Variants in DUSP13B observed in about 807,000 individuals in gnomAD.
DUSP13B encodes the protein dual specificity phosphatase 13B, also known as dual specificity protein phosphatase 13B.
the DUSP13B span, among the ~76,000 whole-genome samples, chr10:75,098,854 T>G: frequency 6.6e-6 from 1 of 152,238 alleles, no homozygotes; most frequent in African/African-American, 2.4e-5. Context: ...TTAAAAGTGA[T>G]GCCCAAAGCC....
At chr10:75,107,866 C>A in the DUSP13B span, 1 of 1,185,598 alleles carries the variant, frequency 8.4e-7, no homozygotes, top group South Asian at 1.5e-5. Flanking sequence ...CATGAGCCAC[C>A]ACACACGGCC....
the DUSP13B span, among the ~76,000 whole-genome samples, chr10:75,104,949 C>A: frequency 6.6e-6 from 1 of 152,132 alleles, no homozygotes. Context: ...GAAAAAGCTA[C>A]TGCTGTTCCA....
the DUSP13B span, chr10:75,097,605 G>C: frequency 3.7e-4 from 395 of 1,071,698 alleles, 2 homozygotes; most frequent in East Asian, 0.011. Flanking sequence ...TGGGAGGCAA[G>C]CGTGCCACCT....
At chr10:75,104,626 T>C in the DUSP13B span, among the ~76,000 whole-genome samples, 16 of 152,140 alleles carry the variant, frequency 1.1e-4, no homozygotes, top group Non-Finnish European at 1.8e-4. Flanking sequence ...TGCCATTCCA[T>C]GGGAAACATG....
the DUSP13B span, among the ~76,000 whole-genome samples, chr10:75,107,531 T>C: frequency 6.6e-6 from 1 of 152,104 alleles, no homozygotes; most frequent in African/African-American, 2.4e-5. Flanking sequence ...TTTCCCCATC[T>C]GGGAAGGAAT....
At chr10:75,109,182 C>A in the DUSP13B span, 2 of 1,542,596 alleles carry the variant, frequency 1.3e-6, no homozygotes, top group Non-Finnish European at 1.7e-6. Flanking sequence ...ACCCCTCTGC[C>A]TCTGTGGTCA....
the DUSP13B span, among the ~76,000 whole-genome samples, chr10:75,107,689 G>A: frequency 6.6e-6 from 1 of 152,252 alleles, no homozygotes; most frequent in South Asian, 2.1e-4. Context: ...CAATTCTCCT[G>A]CCTCAGCCTC....
At chr10:75,099,481 C>T in the DUSP13B span, 10 of 1,232,142 alleles carry the variant, frequency 8.1e-6, no homozygotes, top group Non-Finnish European at 1.0e-5. Flanking sequence ...GGGCAGGACT[C>T]TGCCTGAGCG....
chr10:75,097,809 G>C, the DUSP13B span: 1 of 1,613,984 alleles, frequency 6.2e-7, no homozygotes, highest in African/African-American at 1.3e-5. Context: ...GCCAATGTGG[G>C]CGGCTGGTAG....
the DUSP13B span, chr10:75,094,720 G>A: frequency 6.2e-7 from 1 of 1,614,036 alleles, no homozygotes; most frequent in African/African-American, 1.3e-5. Context: ...TCCAGAACCT[G>A]GAGCTGCCGG....
chr10:75,105,759 C>A, the DUSP13B span: 1 of 1,552,882 alleles, frequency 6.4e-7, no homozygotes. Flanking sequence ...GGTGCTGCCT[C>A]ACGGTGATCA....
chr10:75,099,193 C>T, the DUSP13B span: 3 of 1,219,862 alleles, frequency 2.5e-6, no homozygotes, highest in Admixed American at 9.2e-5. Context: ...CCTGTCTTTG[C>T]TAACTGCCCC....
the DUSP13B span, chr10:75,109,075 A>C: frequency 1.6e-5 from 25 of 1,612,288 alleles, no homozygotes; most frequent in Non-Finnish European, 2.0e-5. Flanking sequence ...CCCTGCCCGC[A>C]GGAGCTCCTC....
At chr10:75,094,649 G>A in the DUSP13B span, 1 of 1,611,198 alleles carries the variant, frequency 6.2e-7, no homozygotes, top group Non-Finnish European at 8.5e-7. Context: ...TTGGGCCAAG[G>A]GTCAGGGATC....
the DUSP13B span, chr10:75,099,022 C>T: frequency 1.6e-6 from 2 of 1,232,354 alleles, no homozygotes; most frequent in African/African-American, 3.1e-5. Flanking sequence ...CCTGGGTTTT[C>T]CTCCTTACCC....
At chr10:75,097,790 T>G in the DUSP13B span, 1 of 1,613,852 alleles carries the variant, frequency 6.2e-7, no homozygotes, top group African/African-American at 1.3e-5. Flanking sequence ...CAGCAAGCGC[T>G]GCAGCGAAGC....
the DUSP13B span, among the ~76,000 whole-genome samples, chr10:75,107,048 T>G: frequency 5.9e-5 from 9 of 152,326 alleles, no homozygotes; most frequent in Admixed American, 3.9e-4. Flanking sequence ...TTAAAAGTAC[T>G]TTGGGGGCCG....
At chr10:75,101,965 T>C in the DUSP13B span, 2 of 1,367,214 alleles carry the variant, frequency 1.5e-6, no homozygotes, top group Non-Finnish European at 2.0e-6. Flanking sequence ...GCTGTTTCTA[T>C]TTTTTGATTT....
the DUSP13B span, chr10:75,105,902 C>T: frequency 2.1e-5 from 33 of 1,535,418 alleles, 1 homozygote; most frequent in South Asian, 3.9e-4. Context: ...AACCCTGTCC[C>T]ACACACCGGC....
Sources: gnomAD v4.1 joint callset for allele counts (sites outside exome capture counted in the v4.1 genomes callset) on GRCh38, gnomAD v4.1.1 for gene constraint, MANE v1.5 for transcripts, NCBI Gene and HGNC (gene_info 2026-07-23, HGNC 2026-07-21) for gene names.